GTF3C1: variants seen among roughly 807,000 people sequenced by gnomAD.
The protein encoded by GTF3C1 is general transcription factor IIIC subunit 1.
A neutral mutation model predicts 226.7 loss-of-function variants in GTF3C1; 57 were observed. That is an observed-to-expected ratio of 0.25 (90% CI 0.20 to 0.31). The LOEUF is 0.31. Ranked by LOEUF, GTF3C1 falls within the 10% of genes least tolerant of loss-of-function variation. The probability of loss-of-function intolerance (pLI) is 1.00; values close to 1 mark genes in which losing one functional copy is unlikely to be tolerated. For synonymous variants in GTF3C1, 1,090 were observed against 1,084.8 expected, an observed-to-expected ratio of 1.00 and a Z score of -0.09; for missense variants, 2,217 against 2,776.1, an observed-to-expected ratio of 0.80 and a Z score of 4.53.
chr16:27,510,102 T>C (rs1398761162), intron 7 of GTF3C1, among the ~76,000 whole-genome samples: 1 of 151,658 alleles, frequency 6.6e-6, no homozygotes, highest in South Asian at 2.1e-4. Flanking sequence ...AATAGAAAAT[T>C]AGTCCGGACG....
In GTF3C1 at chr16:27,461,307, G is replaced by A. The variant is rs760582732; in HGVS notation, c.*43C>T. ...CTGCCGAGCACCAGGCAGGAGTGGT[G>A]TGGCAGGCGGTGGCTGGGAGGGAGG... On this transcript the variant is annotated 3_prime_UTR_variant, in exon 37 of 37. Transcript: ENST00000356183. The surrounding 1 kb of genome is among the most constrained non-coding windows in gnomAD (Gnocchi z 5.3). The A allele has an allele frequency of 3.9e-6, 5 of 1,284,644 alleles. No individual in the cohort carries two copies. In the African/African-American group the frequency reaches 4.4e-5, roughly 11 times the overall value. 79.6% of individuals were successfully genotyped at this position (1,284,644 alleles called of 1,614,324 possible).
At chr16:27,478,106 G>A (rs148258616) in intron 28 of GTF3C1, among the ~76,000 whole-genome samples, 1 of 152,146 alleles carries the variant, frequency 6.6e-6, no homozygotes, top group East Asian at 1.9e-4. Flanking sequence ...AGGAGGCAGA[G>A]GCTGCAGTGA....
intron 5 of GTF3C1, among the ~76,000 whole-genome samples, chr16:27,529,426 G>A (rs1180814926): frequency 6.7e-6 from 1 of 148,696 alleles, no homozygotes; most frequent in African/African-American, 2.5e-5. Context: ...GGGTGACAGA[G>A]TGAGACTCTG....
Position 27,492,442 on chromosome 16 carries a change from C to T in GTF3C1, c.3047G>A (p.Arg1016His), listed in dbSNP as rs552941945. Residue 1016 changes from arginine to histidine, a missense_variant, in exon 19 of 37, where the codon CGC becomes CAC. Around this residue, in one of 12 missense-constraint regions of GTF3C1, gnomAD observed 353 missense variants for 411.7 expected, o/e 0.86. Coordinates refer to ENST00000356183, the MANE Select transcript of GTF3C1 (RefSeq NM_001520.4). The surrounding 1 kb of genome is among the most constrained non-coding windows in gnomAD (Gnocchi z 5.0). ...TICDPHYNLA[R>H]SSRPFERRLY... Reference sequence around the variant, plus strand: ...GCGCCTCTCGAAGGGCCGGCTGCTGCGGGCCAGGTTGTAATGTGGGTCGCA... The same window carrying T: ...GCGCCTCTCGAAGGGCCGGCTGCTGTGGGCCAGGTTGTAATGTGGGTCGCA... 3.7e-6 allele frequency: 6 copies of T among 1,611,694 alleles called. No individual in the cohort carries two copies. Among genetic ancestry groups the T allele is most frequent in the Admixed American group, 1.7e-5 (1 of 60,020 alleles).
intron 24 of GTF3C1, 134 bp from the exon 25 acceptor site, chr16:27,484,487 C>T (rs1387836279): frequency 9.4e-6 from 6 of 636,858 alleles, no homozygotes; most frequent in Non-Finnish European, 1.7e-5. Flanking sequence ...ACTGTCACCT[C>T]ACAATATTTA....
chr16:27,503,208 G>A (rs765697099), intron 10 of GTF3C1, among the ~76,000 whole-genome samples: 5 of 152,080 alleles, frequency 3.3e-5, no homozygotes, highest in South Asian at 2.1e-4. Flanking sequence ...AGAGGACCCC[G>A]GACCACTTTA....
chr16:27,510,087 A>G (rs554542394), intron 7 of GTF3C1, among the ~76,000 whole-genome samples: 2 of 152,220 alleles, frequency 1.3e-5, no homozygotes, highest in Non-Finnish European at 2.9e-5. Flanking sequence ...TGTCTCTACT[A>G]AAGAAATAGA....
intron 8 of GTF3C1, among the ~76,000 whole-genome samples, chr16:27,508,021 C>T (rs1277915620): frequency 6.6e-6 from 1 of 152,204 alleles, no homozygotes; most frequent in Non-Finnish European, 1.5e-5. Context: ...ACTACTTTTT[C>T]TTTTTGAGAT....
chr16:27,507,967 C>T lies in GTF3C1; in HGVS notation c.1242+573G>A, dbSNP rs1216761602. Among the ~76,000 whole-genome samples, 2 of 152,256 alleles carry T rather than the reference C, an allele frequency of 1.3e-5. No individual in the cohort carries two copies. The highest frequency in any genetic ancestry group is 6.5e-5 in the Admixed American group (1 of 15,288). On this transcript the variant is annotated intron_variant, in intron 8 of 36. Coordinates refer to ENST00000356183, the MANE Select transcript of GTF3C1 (RefSeq NM_001520.4). The surrounding 1 kb of genome is among the most constrained non-coding windows in gnomAD (Gnocchi z 4.9). The stretch of plus-strand genomic sequence containing the variant: ...AGAGTGGCCAGCCCCAGCTGACTGT[C>T]CCCATGTGGGAGTAGGCTCCCGGGG...
At chr16:27,543,902 G>C (rs962371718) in intron 2 of GTF3C1, among the ~76,000 whole-genome samples, 1 of 152,274 alleles carries the variant, frequency 6.6e-6, no homozygotes, top group East Asian at 1.9e-4. Flanking sequence ...ATAAAGTCAG[G>C]AATCAGGATT....
In GTF3C1 at chr16:27,465,373, C is replaced by T. The variant is rs565913877; in HGVS notation, c.5242G>A (p.Ala1748Thr). The T allele has an allele frequency of 2.5e-6, 4 of 1,614,172 alleles. No individual in the cohort carries two copies. In the African/African-American group the frequency reaches 5.3e-5, roughly 22 times the overall value. ...CCAAAACAACCCGTGGCTATAATGG[C>T]TTCCAAGATCTCCAAGGCAGCAGTC... ...DLTAALEILEAIIATGCFGID... is the reference protein window; with the variant it reads ...DLTAALEILETIIATGCFGID... Residue 1748 changes from alanine (A) to threonine (T), a missense_variant, in exon 33 of 37, where the codon GCC becomes ACC. Coordinates refer to ENST00000356183, the MANE Select transcript of GTF3C1 (RefSeq NM_001520.4).
At chr16:27,478,424 T>C (rs2087986730) in intron 28 of GTF3C1, 45 bp downstream of exon 28, 1 of 1,267,026 alleles carries the variant, frequency 7.9e-7, no homozygotes, top group Admixed American at 1.7e-5. Context: ...AGCCATCAAG[T>C]TATTAAGCAG....
chr16:27,505,780 C>T (rs755475118), intron 10 of GTF3C1, 119 bp downstream of exon 10: 155 of 675,920 alleles, frequency 2.3e-4, no homozygotes, highest in Non-Finnish European at 1.5e-4. Flanking sequence ...AGGCAGGCCT[C>T]GGCACGCAGC....
At chr16:27,523,315 C>G (rs2088779660) in intron 6 of GTF3C1, among the ~76,000 whole-genome samples, 1 of 152,024 alleles carries the variant, frequency 6.6e-6, no homozygotes, top group African/African-American at 2.4e-5. Context: ...ATCACTGAAG[C>G]CTTCTGTGCA....
chr16:27,505,129 A>G (rs1041912148), intron 10 of GTF3C1, among the ~76,000 whole-genome samples: 43 of 152,328 alleles, frequency 2.8e-4, no homozygotes, highest in Admixed American at 2.7e-3. Context: ...ACCGAATCAC[A>G]TAATGGGAAA....
chr16:27,510,548 C>T (rs565466428), intron 7 of GTF3C1, among the ~76,000 whole-genome samples: 4 of 152,202 alleles, frequency 2.6e-5, no homozygotes, highest in South Asian at 2.1e-4. Flanking sequence ...AGTCAAACTC[C>T]GTCTCAAAAA....
intron 4 of GTF3C1, 83 bp downstream of exon 4, chr16:27,537,701 C>A (rs2089021694): frequency 2.1e-6 from 2 of 971,958 alleles, no homozygotes; most frequent in African/African-American, 3.3e-5. Flanking sequence ...AGCCACTGTA[C>A]CCAGCTGCCC....
Position 27,461,747 on chromosome 16 carries a change from A to G in GTF3C1, c.6118-185T>C. On this transcript the variant is annotated intron_variant, in intron 36 of 36. Coordinates refer to ENST00000356183, the MANE Select transcript of GTF3C1 (RefSeq NM_001520.4). The surrounding 1 kb of genome is among the most constrained non-coding windows in gnomAD (Gnocchi z 5.3). ...GGGTTCAGGCAAAGGCCCTGGTGGG[A>G]GAGGCAGCTGCCTGAGCAGCACGTG... is the stretch of plus-strand genomic sequence containing the variant. 1.7e-6 allele frequency: 1 copy of G among 600,164 alleles called. No individual in the cohort carries two copies. Among genetic ancestry groups the G allele is most frequent in the Non-Finnish European group, 3.0e-6 (1 of 336,238 alleles). 37.2% of individuals were successfully genotyped at this position (600,164 alleles called of 1,614,324 possible). A position where few individuals can be genotyped will look rare whatever the true frequency, so the allele number is the denominator to read the frequency against.
rs753133072 is a variant in GTF3C1, at chr16:27,461,328, G to A, written c.*22C>T. On this transcript the variant is annotated 3_prime_UTR_variant, in exon 37 of 37. Coordinates refer to ENST00000356183, the MANE Select transcript of GTF3C1 (RefSeq NM_001520.4). The surrounding 1 kb of genome is among the most constrained non-coding windows in gnomAD (Gnocchi z 5.3). ...TGGTGTGGCAGGCGGTGGCTGGGAGGGAGGGGACGCCCACAGGGGTCCTAG... is the reference window on the plus strand; with the variant it reads ...TGGTGTGGCAGGCGGTGGCTGGGAGAGAGGGGACGCCCACAGGGGTCCTAG... 3.3e-6 allele frequency: 5 copies of A among 1,500,154 alleles called. No individual in the cohort carries two copies. In the South Asian group the frequency reaches 4.6e-5, roughly 14 times the overall value. 92.9% of individuals were successfully genotyped at this position (1,500,154 alleles called of 1,614,324 possible).
Sources: allele counts gnomAD v4.1 joint callset (sites outside exome capture counted in the v4.1 genomes callset), GRCh38; gene constraint gnomAD v4.1.1; regional missense constraint gnomAD v4.1.1; non-coding constraint Gnocchi (gnomAD v3.1); transcripts MANE v1.5; gene names NCBI Gene and HGNC (gene_info 2026-07-23, HGNC 2026-07-21).